Variants in CD109 observed in about 807,000 individuals in gnomAD.
CD109 encodes the protein CD109 molecule, also known as CD109 antigen.
A neutral mutation model predicts 165.8 loss-of-function variants in CD109; 149 were observed. The observed-to-expected ratio is 0.90, with a 90% CI of 0.79 to 1.03. The LOEUF (loss-of-function observed/expected upper bound fraction) is 1.03, where lower values mean the gene tolerates loss of function less well. Among genes scored for constraint, CD109 ranks in the 50% least tolerant of loss-of-function variants. The pLI is 0.00. For synonymous variants in CD109, 585 were observed against 592.1 expected, an observed-to-expected ratio of 0.99 and a Z score of 0.18; for missense variants, 1,712 against 1,677.8, an observed-to-expected ratio of 1.02 and a Z score of -0.36.
chr6:73,769,587 GAAAC>G (rs1227681012), intron 14 of CD109, among the ~76,000 whole-genome samples: 10 of 152,142 alleles, frequency 6.6e-5, no homozygotes, highest in African/African-American at 1.9e-4. Context: ...CATTTATAAA[GAAAC>G]AACATAATTA....
chr6:73,774,853 G>A (rs927885157), intron 15 of CD109, among the ~76,000 whole-genome samples: 2 of 151,986 alleles, frequency 1.3e-5, no homozygotes, highest in East Asian at 1.9e-4. Flanking sequence ...CACTGTGCAC[G>A]TTAAAGTTTT....
chr6:73,729,994 T>C (rs1772299666), intron 3 of CD109, among the ~76,000 whole-genome samples: 1 of 151,912 alleles, frequency 6.6e-6, no homozygotes, highest in South Asian at 2.1e-4. Context: ...TCAAATAGGG[T>C]GAGCGTGGAA....
chr6:73,735,321 TGCC>T (rs1279136196), intron 4 of CD109, among the ~76,000 whole-genome samples: 1 of 152,212 alleles, frequency 6.6e-6, no homozygotes, highest in African/African-American at 2.4e-5. Context: ...CCAGGGACTG[TGCC>T]AAGTATTTCA....
rs927891038 is a variant in CD109, at chr6:73,780,361, T to G, written c.1828-63T>G. 3 of 973,034 alleles carry G rather than the reference T, an allele frequency of 3.1e-6. No individual in the cohort carries two copies. In the African/African-American group the frequency reaches 4.8e-5, roughly 16 times the overall value. 60.3% of individuals were successfully genotyped at this position (973,034 alleles called of 1,614,324 possible). On this transcript the variant is annotated intron_variant, in intron 15 of 32. Coordinates refer to ENST00000287097, the MANE Select transcript of CD109 (RefSeq NM_133493.5). ...GAAGGCTAAGTCTTATCTAAGTTAC[T>G]TGGAAGAAGTGTGGAAAGTTGTTAT...
chr6:73,799,674 G>A (rs984441006), intron 23 of CD109, among the ~76,000 whole-genome samples: 2 of 152,104 alleles, frequency 1.3e-5, no homozygotes, highest in African/African-American at 4.8e-5. Context: ...CTCAAGGACA[G>A]CACCAAGATC....
chr6:73,807,966 A>T, intron 25 of CD109, 117 bp from the exon 26 acceptor site: 1 of 783,414 alleles, frequency 1.3e-6, no homozygotes, highest in Non-Finnish European at 2.0e-6. Flanking sequence ...GTACAAGGTC[A>T]GGTACTTCAT....
At chr6:73,819,105 G>T (rs1172431104) in intron 31 of CD109, among the ~76,000 whole-genome samples, 2 of 152,224 alleles carry the variant, frequency 1.3e-5, no homozygotes, top group Non-Finnish European at 2.9e-5. Flanking sequence ...AAAGTGTTGG[G>T]ATTACAGGTG....
At chr6:73,697,257 A>G (rs1163003408) in intron 1 of CD109, 143 bp from the exon 2 acceptor site, 2 of 647,562 alleles carry the variant, frequency 3.1e-6, no homozygotes, top group African/African-American at 3.6e-5. Flanking sequence ...CAGTTGCCAA[A>G]TAGAGCAGTG....
chr6:73,693,140 C>G (rs1464208095), upstream of CD109, among the ~76,000 whole-genome samples: 1 of 115,456 alleles, frequency 8.7e-6, no homozygotes, highest in Non-Finnish European at 1.8e-5. Flanking sequence ...GTACCCAAGG[C>G]TGGGTAATTT....
At chr6:73,796,074 C>G (rs563951504) in intron 23 of CD109, among the ~76,000 whole-genome samples, 2 of 152,146 alleles carry the variant, frequency 1.3e-5, no homozygotes, top group African/African-American at 2.4e-5. Flanking sequence ...TTCTATTTCT[C>G]TCCATCCCAC....
At chr6:73,749,865 A>G (rs900244805) in intron 5 of CD109, among the ~76,000 whole-genome samples, 4 of 152,214 alleles carry the variant, frequency 2.6e-5, no homozygotes, top group African/African-American at 4.8e-5. Context: ...GAAAGTTTCT[A>G]TGTAAAAGTA....
chr6:73,708,916 G>A (rs945141815), intron 2 of CD109, among the ~76,000 whole-genome samples: 1 of 152,170 alleles, frequency 6.6e-6, no homozygotes, highest in Non-Finnish European at 1.5e-5. Flanking sequence ...TGTCAGATGA[G>A]TAGGTTGCAA....
chr6:73,783,668 T>G (rs752860342), intron 18 of CD109, 39 bp from the exon 19 acceptor site: 1 of 1,183,198 alleles, frequency 8.5e-7, no homozygotes, highest in Non-Finnish European at 1.3e-6. Flanking sequence ...GTATCAGTTC[T>G]TGGTTTTGTG....
chr6:73,817,398 A>G, intron 30 of CD109, among the ~76,000 whole-genome samples: 1 of 152,124 alleles, frequency 6.6e-6, no homozygotes, highest in East Asian at 1.9e-4. Context: ...AATAACATCT[A>G]TTTTGGCTCA....
intron 15 of CD109, among the ~76,000 whole-genome samples, chr6:73,777,279 A>T (rs906156536): frequency 6.0e-5 from 9 of 150,444 alleles, no homozygotes; most frequent in East Asian, 2.0e-4. Context: ...GCTTAAAAAA[A>T]TTTTTTTTTT....
upstream of CD109, chr6:73,695,856 A>G (rs1183235982): frequency 1.2e-5 from 4 of 320,872 alleles, no homozygotes; most frequent in Non-Finnish European, 2.3e-5. Context: ...GTAGAGCGCT[A>G]GTGTAAACAG....
intron 2 of CD109, 25 bp from the exon 3 acceptor site, chr6:73,723,226 G>A (rs1347540840): frequency 2.5e-6 from 4 of 1,612,300 alleles, no homozygotes; most frequent in Non-Finnish European, 2.5e-6. Flanking sequence ...TGCTAACTCT[G>A]TTTTCTTTCC....
At chr6:73,780,542 C>A in intron 16 of CD109, 44 bp downstream of exon 16, 1 of 1,238,270 alleles carries the variant, frequency 8.1e-7, no homozygotes, top group Non-Finnish European at 1.2e-6. Flanking sequence ...ATATTTTTTA[C>A]TATTGCAAAC....
chr6:73,731,554 G>A (rs1047310725), intron 4 of CD109, among the ~76,000 whole-genome samples: 5 of 152,226 alleles, frequency 3.3e-5, no homozygotes, highest in African/African-American at 1.2e-4. Context: ...GTGGGTTAGG[G>A]TGGGGCTCAT....
Sources: allele counts gnomAD v4.1 joint callset (sites outside exome capture counted in the v4.1 genomes callset), GRCh38; gene constraint gnomAD v4.1.1; transcripts MANE v1.5; gene names NCBI Gene and HGNC (gene_info 2026-07-23, HGNC 2026-07-21).